SEMA5B: variants seen among roughly 807,000 people sequenced by gnomAD.
SEMA5B encodes the protein semaphorin-5B.
SEMA5B carries 66 observed loss-of-function variants against 135.0 expected under a neutral mutation model. The observed-to-expected ratio is 0.49, with a 90% CI of 0.40 to 0.60. The LOEUF (loss-of-function observed/expected upper bound fraction) is 0.60. Ranked by LOEUF, SEMA5B falls within the 20% of genes least tolerant of loss-of-function variation. The probability of loss-of-function intolerance (pLI) is 0.00; values close to 1 mark genes in which losing one functional copy is unlikely to be tolerated. For missense variants in SEMA5B, 1,501 were observed against 1,566.3 expected (o/e 0.96, Z 0.70); for synonymous variants, 690 against 639.5 (o/e 1.08, Z -1.19).
intron 2 of SEMA5B, among the ~76,000 whole-genome samples, chr3:122,955,926 C>T (rs1020467871): frequency 2.0e-5 from 3 of 152,194 alleles, no homozygotes; most frequent in Admixed American, 6.5e-5. Flanking sequence ...GATGAGAAAG[C>T]GGGGAGGAGG....
intron 9 of SEMA5B, among the ~76,000 whole-genome samples, chr3:122,925,618 C>T (rs1938586877): frequency 6.6e-6 from 1 of 151,480 alleles, no homozygotes; most frequent in African/African-American, 2.4e-5. Flanking sequence ...TGCAGTGAGC[C>T]GAGATTGCCC....
In SEMA5B at chr3:122,995,069, G is replaced by C. The variant is rs183907425; in HGVS notation, c.-39+32395C>G. On this transcript the variant is annotated intron_variant, in intron 1 of 22. Transcript: ENST00000357599. Reference sequence around the variant, plus strand: ...GAAGAGGCAGAGGGGCAACATGTCAGGTTGGAAAAGTGAGTCCAGCCAAAG... The same window carrying C: ...GAAGAGGCAGAGGGGCAACATGTCACGTTGGAAAAGTGAGTCCAGCCAAAG... Among the ~76,000 whole-genome samples the C allele has an allele frequency of 1.6e-3, 244 of 152,266 alleles. 1 individual carries two copies. The highest frequency in any genetic ancestry group is 3.1e-3 in the Admixed American group (48 of 15,304).
chr3:123,005,573 A>G (rs191946013), intron 1 of SEMA5B, among the ~76,000 whole-genome samples: 158 of 152,284 alleles, frequency 1.0e-3, no homozygotes, highest in African/African-American at 3.5e-3. Flanking sequence ...TATGTTGCCC[A>G]GGCTTCATTG....
At chr3:122,995,026 G>A (rs947306329) in intron 1 of SEMA5B, among the ~76,000 whole-genome samples, 1 of 152,150 alleles carries the variant, frequency 6.6e-6, no homozygotes, top group Non-Finnish European at 1.5e-5. Flanking sequence ...GAGGGAAGCC[G>A]GGGTGTAAAC....
chr3:122,997,493 G>A (rs1375960146), intron 1 of SEMA5B, among the ~76,000 whole-genome samples: 1 of 151,644 alleles, frequency 6.6e-6, no homozygotes, highest in Non-Finnish European at 1.5e-5. Flanking sequence ...CTGAGGCCAC[G>A]CTACCTGGCT....
chr3:122,954,971 T>G (rs28569371), intron 2 of SEMA5B, among the ~76,000 whole-genome samples: 13 of 79,830 alleles, frequency 1.6e-4, no homozygotes, highest in Non-Finnish European at 2.7e-4. Context: ...TTGTTTTTTG[T>G]TTTTTTTTTT....
chr3:122,921,764 G>C, intron 12 of SEMA5B, 151 bp downstream of exon 12: 1 of 586,232 alleles, frequency 1.7e-6, no homozygotes, highest in Non-Finnish European at 2.9e-6. Flanking sequence ...TACGAGGAGA[G>C]AACCAAGGTT....
intron 1 of SEMA5B, chr3:122,976,184 G>A: frequency 6.6e-7 from 1 of 1,514,836 alleles, no homozygotes; most frequent in Non-Finnish European, 8.8e-7. Context: ...TGCAAGAAGT[G>A]CTTCTCAAAA....
chr3:122,982,055 G>A (rs1217224350), intron 1 of SEMA5B, among the ~76,000 whole-genome samples: 2 of 152,190 alleles, frequency 1.3e-5, no homozygotes, highest in East Asian at 3.9e-4. Flanking sequence ...TTAGAGAGAG[G>A]TTGGGAGCCA....
rs759876365 is a variant in SEMA5B at position 122,961,210 on chromosome 3, C to A, written c.54G>T (p.Pro18=). 1.9e-6 allele frequency: 3 copies of A among 1,613,904 alleles called. No individual in the cohort carries two copies. The highest frequency in any genetic ancestry group is 2.5e-6 in the Non-Finnish European group (3 of 1,179,914). ...TTAGCTGTTGGGCTGGGGTATCAGG[C>A]GGCCCAGGGACGAGGTGGTGGGCAA... is the stretch of plus-strand genomic sequence containing the variant. ...SPVAHHLVPG[P]PDTPAQQLRC... The change falls in exon 2 of 23, where the codon CCG becomes CCT. Residue 18 remains proline (P), a synonymous_variant. Transcript: ENST00000357599.
rs758087163 is a variant in SEMA5B at position 122,912,000 on chromosome 3, C to T, written c.2966G>A (p.Cys989Tyr). ...DDGAQSRSRH[C>Y]EELLPGSSAC... is the part of the protein sequence containing the mutation. ...GCTGGACCCTGGGAGGAGCTCCTCA[C>T]AGTGCCGGCTTCGGCTCTGGGCTCC... The change falls in exon 20 of 23, where the codon TGT (cysteine) becomes TAT (tyrosine). Residue 989 changes from cysteine (C) to tyrosine (Y), a missense_variant. Cys to Tyr is a radical substitution (Grantham distance 194). Around this residue, in one of 2 missense-constraint regions of SEMA5B, gnomAD observed 927 missense variants for 881.6 expected, o/e 1.05. Coordinates refer to ENST00000357599, the MANE Select transcript of SEMA5B (RefSeq NM_001031702.4). 1 of 1,613,678 alleles carries T rather than the reference C, an allele frequency of 6.2e-7. No individual in the cohort carries two copies. Among genetic ancestry groups the T allele is most frequent in the South Asian group, 1.1e-5 (1 of 91,012 alleles).
chr3:122,969,163 A>T (rs1210417013), intron 1 of SEMA5B, among the ~76,000 whole-genome samples: 1 of 152,238 alleles, frequency 6.6e-6, no homozygotes, highest in Non-Finnish European at 1.5e-5. Flanking sequence ...GCCTCTTTTC[A>T]GATGAGGAAA....
Position 122,922,434 on chromosome 3 carries a change from G to A in SEMA5B, c.1286C>T (p.Pro429Leu), listed in dbSNP as rs1350473776. 2 of 1,604,078 alleles carry A rather than the reference G, an allele frequency of 1.2e-6. No homozygotes were observed. Among genetic ancestry groups the A allele is most frequent in the South Asian group, 1.1e-5 (1 of 89,512 alleles). ...CAGGTTCTCGTTGGGACCGGTCTCAGGCAGGGTGCCACACTGCCGCGGGGA... is the reference window on the plus strand; with the variant it reads ...CAGGTTCTCGTTGGGACCGGTCTCAAGCAGGGTGCCACACTGCCGCGGGGA... ...PIPNFQCGTLPETGPNENLTE... is the reference protein window; with the variant it reads ...PIPNFQCGTLLETGPNENLTE... Residue 429 changes from proline (P) to leucine (L), a missense_variant, in exon 11 of 23, where the codon CCT becomes CTT. Physicochemically the swap from Pro to Leu is moderately conservative, Grantham distance 98. Transcript: ENST00000357599.
Position 123,001,705 on chromosome 3 carries a change from C to T in SEMA5B, c.-39+25759G>A, listed in dbSNP as rs1054321592. On this transcript the variant is annotated intron_variant, in intron 1 of 22. Coordinates refer to ENST00000357599, the MANE Select transcript of SEMA5B (RefSeq NM_001031702.4). ...CATGCCCTTGAAAGCCCAGGCCTGG[C>T]GACACCTGCATTCAGCCTCACAGCG... Among the ~76,000 whole-genome samples, 6 of 152,152 alleles carry T rather than the reference C, an allele frequency of 3.9e-5. No individual in the cohort carries two copies. The East Asian group carries it at 5.8e-4, about 15-fold the overall frequency.
intron 2 of SEMA5B, among the ~76,000 whole-genome samples, chr3:122,953,621 A>C (rs1041370760): frequency 5.3e-5 from 8 of 152,122 alleles, no homozygotes; most frequent in African/African-American, 1.9e-4. Context: ...TCCTCTACTC[A>C]ATTACCTTCG....
At chr3:122,932,141 A>C (rs1939004754) in intron 5 of SEMA5B, among the ~76,000 whole-genome samples, 1 of 151,676 alleles carries the variant, frequency 6.6e-6, no homozygotes, top group Non-Finnish European at 1.5e-5. Context: ...GTTTTCTTGG[A>C]CTGAATAATT....
intron 1 of SEMA5B, chr3:122,976,215 C>T: frequency 6.9e-7 from 1 of 1,443,110 alleles, no homozygotes; most frequent in Non-Finnish European, 9.2e-7. Flanking sequence ...GGACCAGCAG[C>T]ATCTGCACCT....
intron 1 of SEMA5B, among the ~76,000 whole-genome samples, chr3:123,016,486 A>G (rs1411294272): frequency 3.3e-5 from 5 of 152,248 alleles, no homozygotes; most frequent in African/African-American, 1.2e-4. Flanking sequence ...AGTACTACGT[A>G]AATAGTTGTT....
At chr3:122,987,052 A>G (rs1343603554) in intron 1 of SEMA5B, among the ~76,000 whole-genome samples, 4 of 152,202 alleles carry the variant, frequency 2.6e-5, no homozygotes. Context: ...AGGCCAGGAA[A>G]GGTCTCAGCT....
Sources: allele counts gnomAD v4.1 joint callset (sites outside exome capture counted in the v4.1 genomes callset), GRCh38; gene constraint gnomAD v4.1.1; regional missense constraint gnomAD v4.1.1; transcripts MANE v1.5; gene names NCBI Gene and HGNC (gene_info 2026-07-23, HGNC 2026-07-21).